Variants in VPS54 observed in about 807,000 individuals in gnomAD.
The protein encoded by VPS54 is vacuolar protein sorting-associated protein 54.
In VPS54, 45 loss-of-function variants were observed where a neutral mutation model predicts 121.5. The ratio of observed to expected loss-of-function variants is 0.37; its 90% CI spans 0.29 to 0.47. The LOEUF is 0.47. VPS54 is among the 20% of genes least tolerant of loss of function. VPS54 has a pLI of 0.99. For synonymous variants in VPS54, 371 were observed against 385.8 expected (o/e 0.96, Z 0.45); for missense variants, 1,090 against 1,131.4 (o/e 0.96, Z 0.52).
chr2:63,945,013 T>C (rs1006557562), intron 9 of VPS54, among the ~76,000 whole-genome samples: 1 of 152,144 alleles, frequency 6.6e-6, no homozygotes, highest in African/African-American at 2.4e-5. Context: ...GAAATACCAT[T>C]CAATCCAGCA....
intron 3 of VPS54, among the ~76,000 whole-genome samples, chr2:63,979,423 T>A (rs923826709): frequency 6.6e-6 from 1 of 151,636 alleles, no homozygotes; most frequent in East Asian, 1.9e-4. Flanking sequence ...TGTATTTTTA[T>A]AGAGACAGGG....
chr2:63,944,556 CT>C, intron 10 of VPS54, 43 bp downstream of exon 10: 1 of 1,521,786 alleles, frequency 6.6e-7, no homozygotes, highest in East Asian at 2.3e-5. Context: ...CATCTATCAT[CT>C]TTTCTCTGAC....
intron 1 of VPS54, among the ~76,000 whole-genome samples, chr2:63,984,243 T>G (rs916010530): frequency 6.6e-6 from 1 of 152,202 alleles, no homozygotes; most frequent in African/African-American, 2.4e-5. Flanking sequence ...AATATTTTAT[T>G]CAAAGTACAA....
intron 11 of VPS54, among the ~76,000 whole-genome samples, chr2:63,941,958 C>T (rs970698483): frequency 1.4e-5 from 2 of 146,024 alleles, no homozygotes; most frequent in Non-Finnish European, 3.0e-5. Context: ...CACTTGAACC[C>T]GGGAGGGAGA....
Position 63,942,339 on chromosome 2 carries a change from T to A in VPS54, c.1398+126A>T, listed in dbSNP as rs1362703646. 6 of 618,858 alleles carry A rather than the reference T, an allele frequency of 9.7e-6. No homozygotes were observed. In the African/African-American group the frequency reaches 1.2e-4, roughly 12 times the overall value. 38.3% of individuals were successfully genotyped at this position (618,858 alleles called of 1,614,324 possible). ...AATTTTTATTTAAAAACAAGCCTCT[T>A]TAGAAAAATTACAAAAACAAAGAAA... On this transcript the variant is annotated intron_variant, in intron 11 of 22. Transcript: ENST00000272322.
intron 3 of VPS54, among the ~76,000 whole-genome samples, chr2:63,974,338 T>G (rs191764219): frequency 1.3e-3 from 192 of 152,378 alleles, no homozygotes; most frequent in Non-Finnish European, 1.6e-3. Flanking sequence ...TGACATTGTC[T>G]TGATTACTGT....
chr2:63,930,500 G>A (rs1023581724), intron 12 of VPS54, among the ~76,000 whole-genome samples: 47 of 152,234 alleles, frequency 3.1e-4, no homozygotes, highest in African/African-American at 1.1e-3. Flanking sequence ...ACTAGGTATT[G>A]ATGGAACATA....
At position 64,011,254 on chromosome 2, in the gene VPS54, T is replaced by C. The variant is rs971902867; in HGVS notation, c.-21+7684A>G. Reference sequence around the variant, plus strand: ...TTTTTCCCCAGCACTCAGAGAATTATAACATTATAGCAGCCATTAAAATTA... The same window carrying C: ...TTTTTCCCCAGCACTCAGAGAATTACAACATTATAGCAGCCATTAAAATTA... On this transcript the variant is annotated intron_variant, in intron 1 of 22. Coordinates refer to ENST00000272322, the MANE Select transcript of VPS54 (RefSeq NM_016516.3). Among the ~76,000 whole-genome samples the C allele has an allele frequency of 4.6e-5, 7 of 152,222 alleles. No homozygotes were observed. In the South Asian group the frequency reaches 1.5e-3, roughly 32 times the overall value.
At chr2:63,985,146 C>T (rs896064921) in intron 1 of VPS54, among the ~76,000 whole-genome samples, 5 of 152,054 alleles carry the variant, frequency 3.3e-5, no homozygotes, top group Non-Finnish European at 5.9e-5. Flanking sequence ...ATGATGAAAC[C>T]TCGTATCTAT....
chr2:64,007,725 T>G (rs576735791), intron 1 of VPS54, among the ~76,000 whole-genome samples: 1 of 152,164 alleles, frequency 6.6e-6, no homozygotes. Context: ...AGAAGAGAGC[T>G]AATGAAAGCT....
intron 20 of VPS54, among the ~76,000 whole-genome samples, chr2:63,909,155 G>C (rs144669517): frequency 1.3e-5 from 2 of 152,232 alleles, no homozygotes; most frequent in Non-Finnish European, 2.9e-5. Context: ...CTCCTTATTT[G>C]TAACACTTTA....
At chr2:63,975,989 C>T (rs971402146) in intron 3 of VPS54, among the ~76,000 whole-genome samples, 2 of 152,148 alleles carry the variant, frequency 1.3e-5, no homozygotes, top group Non-Finnish European at 2.9e-5. Flanking sequence ...AGCATCCTGC[C>T]GAAGTGCTGG....
chr2:63,961,790 T>A (rs1675782931), intron 7 of VPS54, among the ~76,000 whole-genome samples: 1 of 152,216 alleles, frequency 6.6e-6, no homozygotes, highest in Non-Finnish European at 1.5e-5. Context: ...TTCAAAATGT[T>A]AATGTTGTGA....
In VPS54 at chr2:63,964,388, C is replaced by T. The variant is rs554401468; in HGVS notation, c.624+1447G>A. ...GCATAACATTTTTATAGTTTACTTC[C>T]TATTAAAATGCTATAAAGGAAATAA... On this transcript the variant is annotated intron_variant, in intron 6 of 22. Transcript: ENST00000272322. Among the ~76,000 whole-genome samples the T allele has an allele frequency of 2.8e-4, 42 of 152,180 alleles. 1 individual carries two copies. The highest frequency in any genetic ancestry group is 8.9e-4 in the African/African-American group (37 of 41,532).
chr2:64,009,619 A>G (rs1678333966), intron 1 of VPS54, among the ~76,000 whole-genome samples: 1 of 151,366 alleles, frequency 6.6e-6, no homozygotes, highest in Admixed American at 6.6e-5. Flanking sequence ...CCCAGCCTAC[A>G]TTTTCATCAG....
At chr2:63,949,828 G>C (rs375597142) in intron 7 of VPS54, among the ~76,000 whole-genome samples, 1 of 152,260 alleles carries the variant, frequency 6.6e-6, no homozygotes, top group South Asian at 2.1e-4. Flanking sequence ...TTTCTATATG[G>C]TACCAATCCT....
At position 63,947,500 on chromosome 2, in the gene VPS54, T is replaced by C. The variant is rs760440699; in HGVS notation, c.1138-10A>G. 27 of 1,468,866 alleles carry C rather than the reference T, an allele frequency of 1.8e-5. No individual in the cohort carries two copies. The highest frequency in any genetic ancestry group is 2.2e-5 in the Non-Finnish European group (24 of 1,083,596). 91.0% of individuals were successfully genotyped at this position (1,468,866 alleles called of 1,614,324 possible). ...GAGATATTAGTCTTTCCTGTTAAAA[T>C]AAAAGTATGTAACTTGACATTTTAA... is the stretch of plus-strand genomic sequence containing the variant. On this transcript the variant is annotated splice_polypyrimidine_tract_variant and intron_variant, in intron 8 of 22. Transcript: ENST00000272322.
At chr2:63,993,391 C>G (rs1677422204) in intron 1 of VPS54, among the ~76,000 whole-genome samples, 2 of 152,142 alleles carry the variant, frequency 1.3e-5, no homozygotes, top group Admixed American at 6.5e-5. Flanking sequence ...GAATTCAGAC[C>G]ATCCAGTTAT....
At chr2:63,918,975 C>T (rs1393801598) in intron 15 of VPS54, among the ~76,000 whole-genome samples, 10 of 151,990 alleles carry the variant, frequency 6.6e-5, no homozygotes, top group Admixed American at 6.6e-4. Flanking sequence ...TCAAGTCTTT[C>T]TCTTGTAGTC....
Sources: allele counts gnomAD v4.1 joint callset (sites outside exome capture counted in the v4.1 genomes callset), GRCh38; gene constraint gnomAD v4.1.1; transcripts MANE v1.5; gene names NCBI Gene and HGNC (gene_info 2026-07-23, HGNC 2026-07-21).